EXOC7: variants seen among roughly 807,000 people sequenced by gnomAD.
EXOC7 encodes the protein exocyst complex component 7.
EXOC7 carries 51 observed loss-of-function variants against 87.6 expected under a neutral mutation model. The observed-to-expected ratio is 0.58, with a 90% CI of 0.46 to 0.73. EXOC7 has a LOEUF of 0.73. EXOC7 is among the 30% of genes least tolerant of loss of function. EXOC7 has a pLI of 0.00. For missense variants in EXOC7, 744 were observed against 888.4 expected, an observed-to-expected ratio of 0.84 and a Z score of 2.07; for synonymous variants, 327 against 357.1, an observed-to-expected ratio of 0.92 and a Z score of 0.95.
At chr17:76,102,682 A>G (rs2068130671) in intron 2 of EXOC7, among the ~76,000 whole-genome samples, 1 of 152,180 alleles carries the variant, frequency 6.6e-6, no homozygotes, top group Non-Finnish European at 1.5e-5. Flanking sequence ...ATGCAAATAC[A>G]AGTTTGTATT....
intron 6 of EXOC7, chr17:76,093,343 C>T (rs1173706100): frequency 6.6e-6 from 1 of 152,570 alleles, no homozygotes; most frequent in Non-Finnish European, 1.5e-5. Flanking sequence ...CACCAGCTCC[C>T]TAATGCTCTA....
chr17:76,089,330 G>A lies in EXOC7; in HGVS notation c.902-10C>T. 6.2e-7 allele frequency: 1 copy of A among 1,613,536 alleles called. No homozygotes were observed. The highest frequency in any genetic ancestry group is 8.5e-7 in the Non-Finnish European group (1 of 1,179,722). On this transcript the variant is annotated splice_polypyrimidine_tract_variant and intron_variant, in intron 7 of 18. Coordinates refer to ENST00000589210, the MANE Select transcript of EXOC7 (RefSeq NM_001013839.4). ...AGCATGTCATCTCTCCCTGGGGGAT[G>A]GCACAACTCTTGAGCTGCTGGTCTG...
intron 5 of EXOC7, among the ~76,000 whole-genome samples, chr17:76,095,428 C>A (rs1049951009): frequency 4.6e-5 from 7 of 152,154 alleles, no homozygotes; most frequent in Non-Finnish European, 1.0e-4. Flanking sequence ...GCCATGGCGC[C>A]CAGCCCTAGT....
intron 14 of EXOC7, 70 bp from the exon 15 acceptor site, chr17:76,085,479 G>A: frequency 6.6e-7 from 1 of 1,521,704 alleles, no homozygotes; most frequent in South Asian, 1.1e-5. Context: ...CTGCGGCAAT[G>A]CCGGGAGGGC....
At chr17:76,096,882 C>T (rs2067785992) in intron 5 of EXOC7, among the ~76,000 whole-genome samples, 1 of 152,044 alleles carries the variant, frequency 6.6e-6, no homozygotes, top group Admixed American at 6.6e-5. Flanking sequence ...AAGAGTCTCA[C>T]TTTGTCAACC....
intron 18 of EXOC7, 97 bp from the exon 19 acceptor site, chr17:76,083,847 C>T (rs1598290554): frequency 6.6e-7 from 1 of 1,505,494 alleles, no homozygotes; most frequent in East Asian, 2.3e-5. Context: ...AAGGGGTGGC[C>T]CTGAGCGATT....
In EXOC7 at chr17:76,082,321, G is replaced by C; in HGVS notation, c.*1327C>G. On this transcript the variant is annotated 3_prime_UTR_variant, in exon 19 of 19. Transcript: ENST00000589210. ...GTGTTTCTTCAACTGAAGATGGCCT[G>C]AAATGGGCCAGACCCAAATTTTCAT... 1 of 944,708 alleles carries C rather than the reference G, an allele frequency of 1.1e-6. No individual in the cohort carries two copies. Among genetic ancestry groups the C allele is most frequent in the Non-Finnish European group, 1.5e-6 (1 of 645,416 alleles). The allele number at this position is 944,708 out of a possible 1,614,324, so 58.5% of individuals were successfully genotyped here.
At chr17:76,089,465 A>C in intron 7 of EXOC7, 145 bp from the exon 8 acceptor site, 3 of 1,067,236 alleles carry the variant, frequency 2.8e-6, no homozygotes, top group Non-Finnish European at 2.7e-6. Context: ...AGAAAGCTGC[A>C]AGGGAGCCAG....
rs2067027082 is a variant in EXOC7, at chr17:76,082,538, T to C, written c.*1110A>G. 1.9e-6 allele frequency: 3 copies of C among 1,613,834 alleles called. No individual in the cohort carries two copies. The highest frequency in any genetic ancestry group is 2.5e-6 in the Non-Finnish European group (3 of 1,179,918). On this transcript the variant is annotated 3_prime_UTR_variant, in exon 19 of 19. Transcript: ENST00000589210. ...GACCGCATCTTCTTCCTCGTGTATG[T>C]GGTTGGGGTGCTGTGCACCCAATTC...
In EXOC7 at chr17:76,082,902, T is replaced by C. The variant is rs1320353395; in HGVS notation, c.*746A>G. On this transcript the variant is annotated 3_prime_UTR_variant, in exon 19 of 19. Transcript: ENST00000589210. ...ATTTTGCTCCTTAACTTTTCCCCATTGTCCCTGTCTCCCAGCCCACAGGCA... is the reference window on the plus strand; with the variant it reads ...ATTTTGCTCCTTAACTTTTCCCCATCGTCCCTGTCTCCCAGCCCACAGGCA... The C allele has an allele frequency of 5.8e-6, 2 of 344,882 alleles. No homozygotes were observed. Among genetic ancestry groups the C allele is most frequent in the South Asian group, 8.4e-5 (1 of 11,974 alleles). The allele number at this position is 344,882 out of a possible 1,614,324, so 21.4% of individuals were successfully genotyped here. A position where few individuals can be genotyped will look rare whatever the true frequency, so the allele number is the denominator to read the frequency against.
chr17:76,100,370 G>A (rs1164986923), intron 4 of EXOC7, among the ~76,000 whole-genome samples: 1 of 151,930 alleles, frequency 6.6e-6, no homozygotes, highest in East Asian at 1.9e-4. Context: ...GCTCACACCT[G>A]TAATCCCAGC....
chr17:76,103,635 G>A lies in EXOC7; in HGVS notation c.58C>T (p.Gln20Ter). Residue 20 changes from glutamine to a stop codon, truncating the protein, a stop_gained and splice_region_variant, in exon 1 of 19, where the codon CAG becomes TAG. Coordinates refer to ENST00000589210, the MANE Select transcript of EXOC7 (RefSeq NM_001013839.4). LOFTEE classifies it high-confidence loss of function. Reference sequence around the variant, plus strand: ...AGCCTCCCCAGGCCCACGCCCACCTGCTTCAGCTTGTCCTCAATCTCCCGC... The same window carrying A: ...AGCCTCCCCAGGCCCACGCCCACCTACTTCAGCTTGTCCTCAATCTCCCGC... ...RRREIEDKLK[Q>*]EEETLSFIRD... is the part of the protein sequence containing the mutation. 6.2e-7 allele frequency: 1 copy of A among 1,613,342 alleles called. No homozygotes were observed. Among genetic ancestry groups the A allele is most frequent in the Non-Finnish European group, 8.5e-7 (1 of 1,179,768 alleles).
In EXOC7 at chr17:76,081,508, C is replaced by A. The variant is rs746595295; in HGVS notation, c.*2140G>T. 1.2e-5 allele frequency: 19 copies of A among 1,610,788 alleles called. No individual in the cohort carries two copies. Among genetic ancestry groups the A allele is most frequent in the Non-Finnish European group, 1.6e-5 (19 of 1,178,910 alleles). On this transcript the variant is annotated 3_prime_UTR_variant, in exon 19 of 19. Transcript: ENST00000589210. ...CATGCCCCCGATGCCCACCTCCTTC[C>A]CCCCCGCCGGGAAGGCCCTGACTTT... is the stretch of plus-strand genomic sequence containing the variant.
rs1356049965 is a variant in EXOC7, at chr17:76,082,028, C to T, written c.*1620G>A. On this transcript the variant is annotated 3_prime_UTR_variant, in exon 19 of 19. Coordinates refer to ENST00000589210, the MANE Select transcript of EXOC7 (RefSeq NM_001013839.4). ...AGGGGAACAGCGAGAGCACGGCAAC[C>T]CAGGGCCTCATCCTGCTGAAGGTGG... 3 of 1,610,402 alleles carry T rather than the reference C, an allele frequency of 1.9e-6. No individual in the cohort carries two copies. Among genetic ancestry groups the T allele is most frequent in the Non-Finnish European group, 2.5e-6 (3 of 1,178,940 alleles).
rs749481557 is a variant in EXOC7, at chr17:76,081,854, G to A, written c.*1794C>T. ...CAGAGACACAGGGACTGGCCCCTGA[G>A]CATCTCCCTGTGCCCTGCCTCCCCC... On this transcript the variant is annotated 3_prime_UTR_variant, in exon 19 of 19. Coordinates refer to ENST00000589210, the MANE Select transcript of EXOC7 (RefSeq NM_001013839.4). 6 of 1,608,420 alleles carry A rather than the reference G, an allele frequency of 3.7e-6. No homozygotes were observed. The highest frequency in any genetic ancestry group is 1.7e-5 in the Admixed American group (1 of 59,534).
chr17:76,091,079 C>T lies in EXOC7; in HGVS notation c.901+64G>A, dbSNP rs147563416. 1,436 of 1,465,570 alleles carry T rather than the reference C, an allele frequency of 9.8e-4. 9 individuals are homozygous for T. The African/African-American group carries it at 0.016, about 16-fold the overall frequency. 90.8% of individuals were successfully genotyped at this position (1,465,570 alleles called of 1,614,324 possible). A position where few individuals can be genotyped will look rare whatever the true frequency, so the allele number is the denominator to read the frequency against. On this transcript the variant is annotated intron_variant, in intron 7 of 18. Transcript: ENST00000589210. ...GAGGCCCTCCTGGGGGAGGCTCTGC[C>T]CTGCCAAGTGCGTGGACACACAGTG...
At position 76,085,149 on chromosome 17, in the gene EXOC7, G is replaced by A. The variant is rs974958860; in HGVS notation, c.1712+165C>T. ...AGGAGCAGGTAGTGGTAGAGGAGGG[G>A]GCTTCTCTCTCCACCCCGTGAGTTT... On this transcript the variant is annotated intron_variant, in intron 15 of 18. Coordinates refer to ENST00000589210, the MANE Select transcript of EXOC7 (RefSeq NM_001013839.4). 3.4e-5 allele frequency: 22 copies of A among 638,066 alleles called. No homozygotes were observed. The Admixed American group carries it at 5.5e-4, about 16-fold the overall frequency. The allele number at this position is 638,066 out of a possible 1,614,324, so 39.5% of individuals were successfully genotyped here.
intron 5 of EXOC7, 91 bp from the exon 6 acceptor site, chr17:76,094,672 C>G (rs1163006423): frequency 2.6e-5 from 35 of 1,337,620 alleles, no homozygotes; most frequent in Non-Finnish European, 3.4e-5. Context: ...CCTGTCAACC[C>G]TTCTTAGCAT....
Position 76,086,065 on chromosome 17 carries a change from C to G in EXOC7, c.1495+15G>C, listed in dbSNP as rs374635335. ...CAGGCAGCAGGGCTGCTGGTCTGCC[C>G]GGGAGAACACTCACAGATATAGGTG... On this transcript the variant is annotated intron_variant, in intron 13 of 18. Coordinates refer to ENST00000589210, the MANE Select transcript of EXOC7 (RefSeq NM_001013839.4). The G allele has an allele frequency of 1.2e-6, 2 of 1,613,130 alleles. No homozygotes were observed. Among genetic ancestry groups the G allele is most frequent in the East Asian group, 2.2e-5 (1 of 44,888 alleles).
Sources: gnomAD v4.1 joint callset for allele counts (sites outside exome capture counted in the v4.1 genomes callset) on GRCh38, gnomAD v4.1.1 for gene constraint, MANE v1.5 for transcripts, NCBI Gene and HGNC (gene_info 2026-07-23, HGNC 2026-07-21) for gene names.